The following DHTKD1 variants were observed in gnomAD, a reference collection of about 807,000 sequenced individuals.
The protein encoded by DHTKD1 is dehydrogenase E1 and transketolase domain containing 1.
A neutral mutation model predicts 101.8 loss-of-function variants in DHTKD1; 78 were observed. That is an observed-to-expected ratio of 0.77 (90% CI 0.64 to 0.93). The LOEUF (loss-of-function observed/expected upper bound fraction) is 0.93, where lower values mean the gene tolerates loss of function less well. DHTKD1 is among the 40% of genes least tolerant of loss of function. The probability of loss-of-function intolerance (pLI) is 0.00; values close to 1 mark genes in which losing one functional copy is unlikely to be tolerated. For missense variants in DHTKD1, 1,223 were observed against 1,161.7 expected (o/e 1.05, Z -0.77); for synonymous variants, 462 against 450.3 (o/e 1.03, Z -0.33).
chr10:12,071,860 G>C (rs1832655324), intron 1 of DHTKD1, among the ~76,000 whole-genome samples: 1 of 152,208 alleles, frequency 6.6e-6, no homozygotes, highest in African/African-American at 2.4e-5. Flanking sequence ...GGAATGAAAA[G>C]AGGGTTCTAT....
chr10:12,117,571 T>G, intron 13 of DHTKD1, 102 bp from the exon 14 acceptor site: 1 of 748,844 alleles, frequency 1.3e-6, no homozygotes, highest in South Asian at 1.5e-5. Context: ...CTTGCAGTGC[T>G]AGGCTAGAAC....
At chr10:12,091,893 C>A (rs1832996383) in intron 6 of DHTKD1, among the ~76,000 whole-genome samples, 1 of 151,972 alleles carries the variant, frequency 6.6e-6, no homozygotes, top group African/African-American at 2.4e-5. Context: ...CAACTTCTGC[C>A]TCCCGAGTTC....
chr10:12,109,981 T>C (rs2131622189), intron 12 of DHTKD1, among the ~76,000 whole-genome samples: 1 of 151,924 alleles, frequency 6.6e-6, no homozygotes. Flanking sequence ...ATGGACCACA[T>C]GCGGCTCAGA....
chr10:12,096,933 A>G (rs556482765), intron 7 of DHTKD1, among the ~76,000 whole-genome samples: 1 of 152,292 alleles, frequency 6.6e-6, no homozygotes, highest in Admixed American at 6.5e-5. Flanking sequence ...TAATTGTCAG[A>G]ATTTACCAAA....
rs1564396377 is a variant in DHTKD1, at chr10:12,106,296, G to A, written c.1947G>A (p.Gly649=). Residue 649 remains glycine (G), a synonymous_variant, in exon 11 of 17, where the codon GGG becomes GGA. Transcript: ENST00000263035. ...AGGCCGTCCTGGGATTTGAATATGG[G>A]ATGAGCATTGAGAGCCCAAAGTTAC... is the stretch of plus-strand genomic sequence containing the variant. ...SEEAVLGFEY[G]MSIESPKLLP... 2 of 1,614,120 alleles carry A rather than the reference G, an allele frequency of 1.2e-6. No homozygotes were observed. Among genetic ancestry groups the A allele is most frequent in the Non-Finnish European group, 8.5e-7 (1 of 1,180,022 alleles).
chr10:12,099,457 C>T (rs945379721), intron 8 of DHTKD1, among the ~76,000 whole-genome samples: 2 of 152,072 alleles, frequency 1.3e-5, no homozygotes, highest in Non-Finnish European at 2.9e-5. Flanking sequence ...GAGGCCAAGC[C>T]GGGCAGATTA....
chr10:12,069,070 C>T lies in DHTKD1; in HGVS notation c.37C>T (p.Leu13Phe). ...TACTGCGGCAGCAGCACGACGGGGC[C>T]TCGGCCGGGCTCTCCCTCTCTTCTG... is the stretch of plus-strand genomic sequence containing the variant. The part of the protein sequence containing the change: ...SATAAAARRG[L>F]GRALPLFWRG... The change falls in exon 1 of 17, where the codon CTC (leucine) becomes TTC (phenylalanine). Residue 13 changes from leucine (L) to phenylalanine (F), a missense_variant. Transcript: ENST00000263035. The T allele has an allele frequency of 6.2e-7, 1 of 1,613,014 alleles. No homozygotes were observed. The highest frequency in any genetic ancestry group is 8.5e-7 in the Non-Finnish European group (1 of 1,179,630).
chr10:12,075,244 A>G (rs1394255021), intron 1 of DHTKD1, among the ~76,000 whole-genome samples: 1 of 152,104 alleles, frequency 6.6e-6, no homozygotes, highest in Non-Finnish European at 1.5e-5. Flanking sequence ...CAGTGACACA[A>G]TCTCAGCTCA....
chr10:12,108,047 C>A (rs1185979098), intron 12 of DHTKD1, 32 bp downstream of exon 12: 2 of 1,526,164 alleles, frequency 1.3e-6, no homozygotes, highest in East Asian at 2.3e-5. Flanking sequence ...GTCAATGAAT[C>A]ATTTTCCTGC....
intron 1 of DHTKD1, among the ~76,000 whole-genome samples, chr10:12,070,414 A>G (rs1046831765): frequency 1.5e-4 from 23 of 152,186 alleles, no homozygotes; most frequent in African/African-American, 4.6e-4. Context: ...TGTTCCATCA[A>G]TCACACACTA....
chr10:12,107,970 G>C lies in DHTKD1; in HGVS notation c.2109G>C (p.Gly703=). 1 of 1,613,730 alleles carries C rather than the reference G, an allele frequency of 6.2e-7. No homozygotes were observed. Among genetic ancestry groups the C allele is most frequent in the Non-Finnish European group, 8.5e-7 (1 of 1,179,664 alleles). ...TCCTCCTTCCACATGGCTACGATGG[G>C]GCTGGGCCAGACCACTCATCCTGTC... ...IVILLPHGYD[G]AGPDHSSCRI... is the part of the protein sequence containing the mutation. The change falls in exon 12 of 17, where the codon GGG becomes GGC. Residue 703 remains glycine, a synonymous_variant. Transcript: ENST00000263035. This position sits in a 1 kb window ranked among gnomAD's most constrained non-coding sequence, Gnocchi z 4.1.
intron 5 of DHTKD1, 110 bp downstream of exon 5, chr10:12,089,365 C>A: frequency 1.9e-6 from 2 of 1,068,136 alleles, no homozygotes; most frequent in Non-Finnish European, 2.7e-6. Context: ...ACTGAGATGA[C>A]CTTTTGGAAA....
chr10:12,095,694 TC>T (rs1389033895), intron 7 of DHTKD1, among the ~76,000 whole-genome samples: 1 of 150,178 alleles, frequency 6.7e-6, no homozygotes, highest in African/African-American at 2.4e-5. Context: ...GCGCCTGTAG[TC>T]CCAGCTACTC....
At chr10:12,076,332 T>C (rs756793894) in intron 1 of DHTKD1, among the ~76,000 whole-genome samples, 4 of 152,146 alleles carry the variant, frequency 2.6e-5, no homozygotes, top group Non-Finnish European at 5.9e-5. Context: ...AAAAATTAGC[T>C]GGATGTGGTG....
chr10:12,101,121 G>A lies in DHTKD1; in HGVS notation c.1836G>A (p.Glu612=). The A allele has an allele frequency of 6.2e-7, 1 of 1,614,098 alleles. No homozygotes were observed. Among genetic ancestry groups the A allele is most frequent in the Non-Finnish European group, 8.5e-7 (1 of 1,180,018 alleles). Residue 612 remains glutamate (E), a synonymous_variant, in exon 10 of 17, where the codon GAG becomes GAA. Transcript: ENST00000263035. ...SQRHAIVVCQ[E]TDDTYIPLNH... is the part of the protein sequence containing the mutation. ...GGCATGCAATCGTGGTTTGCCAGGA[G>A]ACGGATGACACCTACATCCCCCTGA...
Position 12,077,874 on chromosome 10 carries a change from G to A in DHTKD1, c.155-3598G>A, listed in dbSNP as rs911578614. Among the ~76,000 whole-genome samples, 7 of 150,622 alleles carry A rather than the reference G, an allele frequency of 4.6e-5. No individual in the cohort carries two copies. The South Asian group carries it at 1.1e-3, about 23-fold the overall frequency. ...GTGCCAGAGGTCTCGGTGGAAGGAG[G>A]TGGAGACAGAGAGGGAAGGGGTTGG... On this transcript the variant is annotated intron_variant, in intron 1 of 16. Transcript: ENST00000263035.
rs1000982780 is a variant in DHTKD1, at chr10:12,068,973, A to T, written c.-61A>T. ...GCCTCTGACGAGTCCCGGATTTACC[A>T]GGGCCGGTGGGATCCCCTCGGGCTC... On this transcript the variant is annotated 5_prime_UTR_variant, in exon 1 of 17. Coordinates refer to ENST00000263035, the MANE Select transcript of DHTKD1 (RefSeq NM_018706.7). The T allele has an allele frequency of 1.3e-6, 2 of 1,596,546 alleles. No individual in the cohort carries two copies. The highest frequency in any genetic ancestry group is 1.3e-5 in the African/African-American group (1 of 74,178).
chr10:12,104,143 C>T (rs1027317074), intron 10 of DHTKD1, among the ~76,000 whole-genome samples: 3 of 152,180 alleles, frequency 2.0e-5, no homozygotes, highest in Admixed American at 1.3e-4. Flanking sequence ...TGGCATCATG[C>T]TTTCAAGGTC....
chr10:12,090,278 A>G, intron 5 of DHTKD1, among the ~76,000 whole-genome samples: 1 of 152,194 alleles, frequency 6.6e-6, no homozygotes, highest in East Asian at 1.9e-4. Context: ...TATCCTATGC[A>G]TTTTAATTTT....
Sources: allele counts gnomAD v4.1 joint callset (sites outside exome capture counted in the v4.1 genomes callset), GRCh38; gene constraint gnomAD v4.1.1; non-coding constraint Gnocchi (gnomAD v3.1); transcripts MANE v1.5; gene names NCBI Gene and HGNC (gene_info 2026-07-23, HGNC 2026-07-21).